The following CWF19L2 variants were observed in gnomAD, a reference collection of about 807,000 sequenced individuals.
CWF19L2 encodes the protein CWF19-like protein 2.
Under a neutral mutation model 111.7 loss-of-function variants are expected in CWF19L2, and 98 were observed. That is an observed-to-expected ratio of 0.88 (90% CI 0.75 to 1.04). CWF19L2 has a LOEUF of 1.04. Ranked by LOEUF, CWF19L2 falls within the 50% of genes least tolerant of loss-of-function variation. The pLI is 0.00. For missense variants in CWF19L2, 1,101 were observed against 1,051.4 expected (o/e 1.05, Z -0.65); for synonymous variants, 351 against 342.9 (o/e 1.02, Z -0.26).
At chr11:107,403,262 CTG>C in intron 10 of CWF19L2, 1 of 372,936 alleles carries the variant, frequency 2.7e-6, no homozygotes, top group Admixed American at 4.0e-5. Context: ...TTAAAAAAAA[CTG>C]TATTTATCTG....
intron 10 of CWF19L2, among the ~76,000 whole-genome samples, chr11:107,399,166 A>T (rs1488109632): frequency 6.6e-6 from 1 of 152,192 alleles, no homozygotes; most frequent in African/African-American, 2.4e-5. Flanking sequence ...AAACAAAAAC[A>T]AAAGTACACA....
intron 5 of CWF19L2, among the ~76,000 whole-genome samples, chr11:107,440,633 A>G (rs917507656): frequency 1.3e-5 from 2 of 152,220 alleles, no homozygotes; most frequent in Admixed American, 1.3e-4. Context: ...ACAATTGACA[A>G]GAGGCTAGAC....
At chr11:107,357,417 A>T (rs1054686334) in intron 12 of CWF19L2, among the ~76,000 whole-genome samples, 1 of 152,252 alleles carries the variant, frequency 6.6e-6, no homozygotes, top group Non-Finnish European at 1.5e-5. Context: ...TTATACATAC[A>T]TAATTGTGCC....
intron 14 of CWF19L2, among the ~76,000 whole-genome samples, chr11:107,341,412 C>G (rs1860003233): frequency 6.6e-6 from 1 of 152,132 alleles, no homozygotes; most frequent in Non-Finnish European, 1.5e-5. Flanking sequence ...TAATATTGAA[C>G]CAGTCTTTCA....
Position 107,371,561 on chromosome 11 carries a change from T to C in CWF19L2, c.1873-17825A>G, listed in dbSNP as rs1267644058. On this transcript the variant is annotated intron_variant, in intron 12 of 17. Coordinates refer to ENST00000282251, the MANE Select transcript of CWF19L2 (RefSeq NM_152434.3). ...GTTTTATTAAAGCAAGCTAATAACA[T>C]GCTCATGCCATTTGTTAAACATGAG... Among the ~76,000 whole-genome samples the C allele has an allele frequency of 2.6e-5, 3 of 114,442 alleles. 1 individual carries two copies. Among genetic ancestry groups the C allele is most frequent in the East Asian group, 2.5e-4 (1 of 4,016 alleles). 75.1% of individuals were successfully genotyped at this position (114,442 alleles called of 152,430 possible).
chr11:107,439,279 AC>A (rs1214958626), intron 5 of CWF19L2, 96 bp from the exon 6 acceptor site: 5 of 691,236 alleles, frequency 7.2e-6, no homozygotes, highest in Non-Finnish European at 1.2e-5. Flanking sequence ...AATAGTCATA[AC>A]CCTGGACAAA....
intron 3 of CWF19L2, among the ~76,000 whole-genome samples, chr11:107,443,566 C>T (rs1480320307): frequency 6.6e-6 from 1 of 152,076 alleles, no homozygotes; most frequent in Non-Finnish European, 1.5e-5. Flanking sequence ...TTTTTATTTT[C>T]TCATCCATTT....
intron 10 of CWF19L2, among the ~76,000 whole-genome samples, chr11:107,396,517 T>C (rs1476068720): frequency 6.6e-6 from 1 of 152,180 alleles, no homozygotes. Flanking sequence ...CAAAACACTT[T>C]ATATAAAGCT....
chr11:107,409,450 GCTA>G (rs751391210), intron 10 of CWF19L2, among the ~76,000 whole-genome samples: 2 of 152,006 alleles, frequency 1.3e-5, no homozygotes, highest in African/African-American at 4.8e-5. Context: ...AAACTTTAAA[GCTA>G]CTACACCATT....
rs1292152214 is a variant in CWF19L2 at position 107,367,923 on chromosome 11, C to T, written c.1873-14187G>A. Among the ~76,000 whole-genome samples, 3 of 137,250 alleles carry T rather than the reference C, an allele frequency of 2.2e-5. 1 individual carries two copies. Among genetic ancestry groups the T allele is most frequent in the Non-Finnish European group, 4.7e-5 (3 of 64,150 alleles). The allele number at this position is 137,250 out of a possible 152,430, so 90.0% of individuals were successfully genotyped here. A position where few individuals can be genotyped will look rare whatever the true frequency, so the allele number is the denominator to read the frequency against. ...TAAACAAATGAAACTGCAAATACAG[C>T]ATACCCAAACCAGTGAGATATAGCA... On this transcript the variant is annotated intron_variant, in intron 12 of 17. Coordinates refer to ENST00000282251, the MANE Select transcript of CWF19L2 (RefSeq NM_152434.3).
chr11:107,442,643 C>G (rs1388708012), intron 4 of CWF19L2, among the ~76,000 whole-genome samples: 1 of 150,930 alleles, frequency 6.6e-6, no homozygotes, highest in African/African-American at 2.4e-5. Flanking sequence ...CTGATTGTGC[C>G]ACTGCGGCCC....
intron 10 of CWF19L2, among the ~76,000 whole-genome samples, chr11:107,405,850 A>AAAGAAGAAG (rs3050912): frequency 0.25 from 34,815 of 141,418 alleles, 4,743 homozygotes; most frequent in Non-Finnish European, 0.32. Context: ...AAAAAAAAAA[A>AAAGAAGAAG]AAGAAGAAGA....
intron 12 of CWF19L2, among the ~76,000 whole-genome samples, chr11:107,375,907 C>T (rs572486734): frequency 4.0e-4 from 21 of 51,872 alleles, no homozygotes; most frequent in African/African-American, 8.9e-4. Context: ...ATCAAATAGA[C>T]GCAATAAAAA....
At chr11:107,411,044 GT>G (rs1180312036) in intron 10 of CWF19L2, among the ~76,000 whole-genome samples, 3 of 151,318 alleles carry the variant, frequency 2.0e-5, no homozygotes, top group Admixed American at 6.6e-5. Flanking sequence ...TCAGGCTTAG[GT>G]CTATGCTTTT....
chr11:107,429,411 T>C lies in CWF19L2; in HGVS notation c.821A>G (p.Lys274Arg), dbSNP rs773013831. The C allele has an allele frequency of 3.2e-6, 5 of 1,568,446 alleles. No homozygotes were observed. The highest frequency in any genetic ancestry group is 2.6e-6 in the Non-Finnish European group (3 of 1,157,560). Reference protein sequence around the residue: ...IFQSKLEDAEKAASTKEDYRR... With the variant: ...IFQSKLEDAERAASTKEDYRR... ...ATAATCTTCTTTCGTGGATGCAGCT[T>C]TTTCAGCATCTTCTAATTTTGACTG... The change falls in exon 8 of 18, where the codon AAA (lysine) becomes AGA (arginine). Residue 274 changes from lysine to arginine, a missense_variant. By Grantham distance (26) the Lys-to-Arg change is conservative. Transcript: ENST00000282251.
At chr11:107,418,547 C>T (rs1861259987) in intron 8 of CWF19L2, among the ~76,000 whole-genome samples, 1 of 152,128 alleles carries the variant, frequency 6.6e-6, no homozygotes, top group Admixed American at 6.5e-5. Context: ...TACTTATCAA[C>T]TCTTCTTATT....
intron 6 of CWF19L2, among the ~76,000 whole-genome samples, chr11:107,438,138 T>C (rs1015042373): frequency 1.4e-4 from 22 of 152,172 alleles, no homozygotes; most frequent in African/African-American, 5.3e-4. Context: ...ATAACCAAAA[T>C]AAAAATACAT....
intron 16 of CWF19L2, among the ~76,000 whole-genome samples, chr11:107,334,079 C>T (rs931289045): frequency 4.6e-5 from 7 of 152,236 alleles, no homozygotes; most frequent in South Asian, 2.1e-4. Flanking sequence ...AGTTGCCAAC[C>T]CCAGCACTAG....
In CWF19L2 at chr11:107,375,485, C is replaced by A. The variant is rs969121239; in HGVS notation, c.1872+14589G>T. Among the ~76,000 whole-genome samples, 2 of 138,412 alleles carry A rather than the reference C, an allele frequency of 1.4e-5. 1 individual carries two copies. The highest frequency in any genetic ancestry group is 4.3e-4 in the East Asian group (2 of 4,636). 90.8% of individuals were successfully genotyped at this position (138,412 alleles called of 152,430 possible). A position where few individuals can be genotyped will look rare whatever the true frequency, so the allele number is the denominator to read the frequency against. ...AAGAATCTCACTCAAAACCGCTCAA[C>A]TACATGGAAACTGAACAACCTGCTC... is the stretch of plus-strand genomic sequence containing the variant. On this transcript the variant is annotated intron_variant, in intron 12 of 17. Coordinates refer to ENST00000282251, the MANE Select transcript of CWF19L2 (RefSeq NM_152434.3).
Sources: gnomAD v4.1 joint callset for allele counts (sites outside exome capture counted in the v4.1 genomes callset) on GRCh38, gnomAD v4.1.1 for gene constraint, MANE v1.5 for transcripts, NCBI Gene and HGNC (gene_info 2026-07-23, HGNC 2026-07-21) for gene names.